Variants in LRRTM4 observed in about 807,000 individuals in gnomAD.
LRRTM4 encodes leucine-rich repeat transmembrane neuronal protein 4.
LRRTM4 carries 25 observed loss-of-function variants against 47.6 expected under a neutral mutation model. The observed-to-expected ratio is 0.53, with a 90% CI of 0.38 to 0.73. The LOEUF is 0.73. LRRTM4 is among the 30% of genes least tolerant of loss of function. The pLI is 0.00. For missense variants in LRRTM4, 638 were observed against 713.4 expected, an observed-to-expected ratio of 0.89 and a Z score of 1.20; for synonymous variants, 311 against 269.5, an observed-to-expected ratio of 1.15 and a Z score of -1.51.
At chr2:76,886,349 T>C (rs553906472) in intron 3 of LRRTM4, among the ~76,000 whole-genome samples, 2 of 152,298 alleles carry the variant, frequency 1.3e-5, no homozygotes, top group South Asian at 4.1e-4. Flanking sequence ...GCAACATGTC[T>C]ATGTGATATC....
At chr2:77,306,204 T>A (rs1248725752) in intron 3 of LRRTM4, among the ~76,000 whole-genome samples, 1 of 152,192 alleles carries the variant, frequency 6.6e-6, no homozygotes, top group African/African-American at 2.4e-5. Flanking sequence ...AAATCAAAGG[T>A]ATATTTTTAA....
intron 3 of LRRTM4, among the ~76,000 whole-genome samples, chr2:76,775,629 A>G (rs1008472418): frequency 1.3e-5 from 2 of 152,194 alleles, no homozygotes; most frequent in Non-Finnish European, 2.9e-5. Context: ...ATCAAGGCTC[A>G]GGAGTTAGCA....
chr2:77,403,885 T>TATATATATATATATATATATA lies in LRRTM4; in HGVS notation c.1551+114432_1551+114433insTATATATATATATATATATAT, dbSNP rs893824593. 1.3e-4 allele frequency among the ~76,000 whole-genome samples: 20 copies of TATATATATATATATATATATA among 150,272 alleles called. 1 individual carries two copies. Among genetic ancestry groups the TATATATATATATATATATATA allele is most frequent in the African/African-American group, 3.8e-4 (15 of 39,956 alleles). On this transcript the variant is annotated intron_variant, in intron 3 of 3. Coordinates refer to ENST00000409884, the MANE Select transcript of LRRTM4 (RefSeq NM_001134745.3). ...TAAATGAGAAATATATATATATATA[T>TATATATATATATATATATATA]TTTAGGAAAGGCGATTTCATTGAGA... is the stretch of plus-strand genomic sequence containing the variant.
chr2:76,865,708 G>C (rs138118365), intron 3 of LRRTM4, among the ~76,000 whole-genome samples: 2 of 151,884 alleles, frequency 1.3e-5, no homozygotes, highest in Admixed American at 6.5e-5. Context: ...ATAAATCAGA[G>C]AGAAGTATAC....
At chr2:76,944,138 C>G (rs58411096) in intron 3 of LRRTM4, among the ~76,000 whole-genome samples, 8,004 of 152,152 alleles carry the variant, frequency 0.053, 480 homozygotes, top group East Asian at 0.14. Context: ...TCTTCTTACT[C>G]TATTCTGGAT....
intron 3 of LRRTM4, among the ~76,000 whole-genome samples, chr2:76,775,579 T>A (rs1673934187): frequency 6.6e-6 from 1 of 152,100 alleles, no homozygotes; most frequent in African/African-American, 2.4e-5. Flanking sequence ...CCTTCCTGTT[T>A]TACAAGCAAA....
rs142902850 is a variant in LRRTM4, at chr2:77,288,684, C to T, written c.1551+229634G>A. ...ACATTTGTCTGTCTTCAAATTTTTA[C>T]AGGCAGAATCTAATCTTTAGAAGAA... On this transcript the variant is annotated intron_variant, in intron 3 of 3. Transcript: ENST00000409884. Among the ~76,000 whole-genome samples the T allele has an allele frequency of 5.5e-3, 844 of 152,150 alleles. 1 individual carries two copies. The highest frequency in any genetic ancestry group is 9.4e-3 in the Non-Finnish European group (642 of 67,984).
intron 3 of LRRTM4, among the ~76,000 whole-genome samples, chr2:77,252,993 C>T (rs1675663713): frequency 6.6e-6 from 1 of 151,990 alleles, no homozygotes; most frequent in Non-Finnish European, 1.5e-5. Flanking sequence ...CCTTAAATTT[C>T]TCCTGTGCCC....
At chr2:76,836,077 A>G (rs1258552174) in intron 3 of LRRTM4, among the ~76,000 whole-genome samples, 2 of 151,820 alleles carry the variant, frequency 1.3e-5, no homozygotes, top group African/African-American at 4.8e-5. Context: ...TAATCAGAAT[A>G]CCAATGACTC....
intron 3 of LRRTM4, among the ~76,000 whole-genome samples, chr2:77,197,591 CT>C (rs1286981718): frequency 6.6e-6 from 1 of 152,104 alleles, no homozygotes; most frequent in Non-Finnish European, 1.5e-5. Context: ...TATTATACAC[CT>C]AAAATACTAT....
intron 3 of LRRTM4, among the ~76,000 whole-genome samples, chr2:76,804,382 C>T (rs1200118105): frequency 1.3e-5 from 2 of 151,978 alleles, no homozygotes; most frequent in Non-Finnish European, 2.9e-5. Flanking sequence ...AACATGAGAA[C>T]ACACATACAC....
chr2:77,324,937 C>T (rs1670701516), intron 3 of LRRTM4, among the ~76,000 whole-genome samples: 1 of 152,054 alleles, frequency 6.6e-6, no homozygotes, highest in Non-Finnish European at 1.5e-5. Context: ...GCTGAATCAA[C>T]AATTATTTAA....
intron 3 of LRRTM4, among the ~76,000 whole-genome samples, chr2:77,406,626 AAAGT>A (rs1674199408): frequency 6.6e-6 from 1 of 152,038 alleles, no homozygotes; most frequent in African/African-American, 2.4e-5. Context: ...TAGTAATATT[AAAGT>A]TAGTGGAATG....
intron 3 of LRRTM4, among the ~76,000 whole-genome samples, chr2:76,792,364 G>C (rs4853274): frequency 0.16 from 23,928 of 151,990 alleles, 2,025 homozygotes; most frequent in African/African-American, 0.2. Flanking sequence ...TAAAATGGAG[G>C]AAAGTGGTTA....
intron 3 of LRRTM4, among the ~76,000 whole-genome samples, chr2:76,963,652 T>A (rs1227694537): frequency 6.6e-6 from 1 of 150,918 alleles, no homozygotes; most frequent in Non-Finnish European, 1.5e-5. Context: ...GCTTTATGTT[T>A]TCAAAGCCTT....
chr2:77,203,890 A>G (rs962028435), intron 3 of LRRTM4, among the ~76,000 whole-genome samples: 1 of 152,194 alleles, frequency 6.6e-6, no homozygotes, highest in Non-Finnish European at 1.5e-5. Flanking sequence ...AGTGTTGTGG[A>G]TTTCAGTCTA....
intron 3 of LRRTM4, among the ~76,000 whole-genome samples, chr2:77,074,588 A>G (rs902982214): frequency 1.3e-5 from 2 of 152,068 alleles, no homozygotes; most frequent in Admixed American, 6.6e-5. Context: ...CCATTTTTAC[A>G]TATGTGTATA....
rs373398772 is a variant in LRRTM4 at position 77,519,380 on chromosome 2, G to A, written c.489C>T (p.His163=). 6.2e-7 allele frequency: 1 copy of A among 1,613,394 alleles called. No homozygotes were observed. Among genetic ancestry groups the A allele is most frequent in the Non-Finnish European group, 8.5e-7 (1 of 1,179,592 alleles). ...FKGLRKLIIL[H]LRSNSLKTVP... ...CAGTCTTTAGTGAGTTAGATCTCAA[G>A]TGCAAAATGATGAGTTTCCGAAGGC... Residue 163 remains histidine (H), a synonymous_variant, in exon 3 of 4, where the codon CAC becomes CAT. Transcript: ENST00000409884. The surrounding 1 kb of genome is among the most constrained non-coding windows in gnomAD (Gnocchi z 4.6).
rs1009079740 is a variant in LRRTM4 at position 76,908,551 on chromosome 2, G to T, written c.1552-159635C>A. On this transcript the variant is annotated intron_variant, in intron 3 of 3. Coordinates refer to ENST00000409884, the MANE Select transcript of LRRTM4 (RefSeq NM_001134745.3). Reference sequence around the variant, plus strand: ...TCAATTAAGAAAAGAGGAAGTCAAAGTGTCCCTGTTTGCAGATGACATGAT... The same window carrying T: ...TCAATTAAGAAAAGAGGAAGTCAAATTGTCCCTGTTTGCAGATGACATGAT... 1.8e-3 allele frequency among the ~76,000 whole-genome samples: 278 copies of T among 152,056 alleles called. 1 individual carries two copies. The highest frequency in any genetic ancestry group is 6.3e-3 in the African/African-American group (263 of 41,488).
Sources: allele counts gnomAD v4.1 joint callset (sites outside exome capture counted in the v4.1 genomes callset), GRCh38; gene constraint gnomAD v4.1.1; non-coding constraint Gnocchi (gnomAD v3.1); transcripts MANE v1.5; gene names NCBI Gene and HGNC (gene_info 2026-07-23, HGNC 2026-07-21).